Variants in IRS1 observed in about 807,000 individuals in gnomAD.
IRS1 encodes insulin receptor substrate 1.
In IRS1, 34 loss-of-function variants were observed where a neutral mutation model predicts 65.6. That is an observed-to-expected ratio of 0.52 (90% CI 0.39 to 0.69). The LOEUF (loss-of-function observed/expected upper bound fraction) is 0.69. IRS1 is among the 30% of genes least tolerant of loss of function. IRS1 has a pLI of 0.00. For missense variants in IRS1, 1,641 were observed against 1,720.2 expected, an observed-to-expected ratio of 0.95 and a Z score of 0.81; for synonymous variants, 699 against 683.5, an observed-to-expected ratio of 1.02 and a Z score of -0.35.
chr2:226,741,387 G>A (rs1181416183), intron 1 of IRS1, among the ~76,000 whole-genome samples: 1 of 152,096 alleles, frequency 6.6e-6, no homozygotes, highest in East Asian at 1.9e-4. Flanking sequence ...TGGCTCCCTG[G>A]CTTTAGTTTC....
chr2:226,784,856 A>G (rs1219291931), intron 1 of IRS1, among the ~76,000 whole-genome samples: 8 of 152,236 alleles, frequency 5.3e-5, no homozygotes, highest in Non-Finnish European at 1.5e-5. Flanking sequence ...AATGTTTTTG[A>G]CCACTAGAGA....
chr2:226,794,867 G>T lies in IRS1; in HGVS notation c.*21+122C>A. The T allele has an allele frequency of 2.3e-6, 2 of 874,412 alleles. No individual in the cohort carries two copies. Among genetic ancestry groups the T allele is most frequent in the South Asian group, 1.4e-5 (1 of 72,738 alleles). The allele number at this position is 874,412 out of a possible 1,614,324, so 54.2% of individuals were successfully genotyped here. A position where few individuals can be genotyped will look rare whatever the true frequency, so the allele number is the denominator to read the frequency against. ...TGAGCATCTTGTGTGCCCTGAGAAT[G>T]TAAGTGCATTCTCCCTGAGGAAGCA... On this transcript the variant is annotated intron_variant, in intron 1 of 1. Transcript: ENST00000305123. The surrounding 1 kb of genome is among the most constrained non-coding windows in gnomAD (Gnocchi z 4.1).
At chr2:226,768,967 G>A (rs1333386745) in intron 1 of IRS1, among the ~76,000 whole-genome samples, 4 of 152,122 alleles carry the variant, frequency 2.6e-5, no homozygotes, top group Non-Finnish European at 5.9e-5. Context: ...AGCTCACTGA[G>A]GCAAGACAGA....
intron 1 of IRS1, among the ~76,000 whole-genome samples, chr2:226,783,670 C>A (rs934741682): frequency 2.4e-4 from 37 of 152,172 alleles, no homozygotes; most frequent in Admixed American, 2.0e-4. Context: ...GTTCAACATG[C>A]AGTTGATAAA....
intron 1 of IRS1, among the ~76,000 whole-genome samples, chr2:226,755,935 G>A (rs1938788286): frequency 6.6e-6 from 1 of 152,210 alleles, no homozygotes; most frequent in South Asian, 2.1e-4. Flanking sequence ...TGAGCCACAT[G>A]TTTAAAATTC....
chr2:226,781,955 T>G (rs894777504), intron 1 of IRS1, among the ~76,000 whole-genome samples: 6 of 151,444 alleles, frequency 4.0e-5, no homozygotes, highest in Non-Finnish European at 5.9e-5. Flanking sequence ...ACTTCCAGGG[T>G]ACTCTACAAA....
intron 1 of IRS1, among the ~76,000 whole-genome samples, chr2:226,739,929 G>A (rs142616062): frequency 5.3e-4 from 80 of 152,332 alleles, no homozygotes; most frequent in African/African-American, 1.7e-3. Flanking sequence ...GAATAAGCAG[G>A]GGAAAAGCCC....
chr2:226,755,986 GC>G (rs1416549301), intron 1 of IRS1, among the ~76,000 whole-genome samples: 1 of 152,182 alleles, frequency 6.6e-6, no homozygotes, highest in African/African-American at 2.4e-5. Flanking sequence ...TTGGCAGAAA[GC>G]TTTCAAAACA....
intron 1 of IRS1, among the ~76,000 whole-genome samples, chr2:226,771,917 C>G (rs906601936): frequency 4.6e-5 from 7 of 152,184 alleles, no homozygotes; most frequent in Admixed American, 2.6e-4. Flanking sequence ...CTGATTTATA[C>G]TTACAGCTTG....
intron 1 of IRS1, among the ~76,000 whole-genome samples, chr2:226,736,780 T>A (rs777966878): frequency 1.3e-5 from 2 of 152,156 alleles, no homozygotes; most frequent in Non-Finnish European, 2.9e-5. Context: ...AAAACGGACC[T>A]ACTGAATCAT....
chr2:226,795,377 G>T lies in IRS1; in HGVS notation c.3362C>A (p.Ala1121Glu). 1 of 1,612,910 alleles carries T rather than the reference G, an allele frequency of 6.2e-7. No individual in the cohort carries two copies. Among genetic ancestry groups the T allele is most frequent in the Non-Finnish European group, 8.5e-7 (1 of 1,179,944 alleles). Residue 1121 changes from alanine to glutamate, a missense_variant, in exon 1 of 2, where the codon GCG becomes GAG. Ala to Glu is a moderately radical substitution (Grantham distance 107). Transcript: ENST00000305123. ...TRVGNTVPFG[A>E]GAAVGGGGGS... is the part of the protein sequence containing the mutation. ...GCCACCGCCCCCTACTGCTGCCCCC[G>T]CTCCAAAGGGCACTGTGTTGCCCAC...
intron 1 of IRS1, among the ~76,000 whole-genome samples, chr2:226,751,509 T>G (rs906153009): frequency 6.6e-5 from 10 of 152,034 alleles, no homozygotes; most frequent in African/African-American, 2.4e-4. Flanking sequence ...GGTCTCGATC[T>G]CCTAACCTCG....
At chr2:226,788,753 T>C (rs116245564) in intron 1 of IRS1, among the ~76,000 whole-genome samples, 2 of 152,346 alleles carry the variant, frequency 1.3e-5, no homozygotes, top group Admixed American at 6.5e-5. Context: ...GAAATTAGTA[T>C]GCAATTATTA....
At chr2:226,754,370 T>C (rs1206860724) in intron 1 of IRS1, among the ~76,000 whole-genome samples, 1 of 152,180 alleles carries the variant, frequency 6.6e-6, no homozygotes, top group Non-Finnish European at 1.5e-5. Context: ...TACACAGTAA[T>C]TTAGAATCTC....
At position 226,781,771 on chromosome 2, in the gene IRS1, G is replaced by C. The variant is rs551118613; in HGVS notation, c.*21+13218C>G. On this transcript the variant is annotated intron_variant, in intron 1 of 1. Transcript: ENST00000305123. ...GACTTGTGAGGGACTAAAGGCTCAG[G>C]CTGCAAAATATTTTTAAAGACCAAG... is the stretch of plus-strand genomic sequence containing the variant. 2.0e-5 allele frequency among the ~76,000 whole-genome samples: 3 copies of C among 151,762 alleles called. No homozygotes were observed. The East Asian group carries it at 5.8e-4, about 29-fold the overall frequency.
At position 226,798,516 on chromosome 2, in the gene IRS1, G is replaced by T; in HGVS notation, c.223C>A (p.Arg75=). The change falls in exon 1 of 2, where the codon CGG becomes AGG. Residue 75 remains arginine, a synonymous_variant. Coordinates refer to ENST00000305123, the MANE Select transcript of IRS1 (RefSeq NM_005544.3). The surrounding 1 kb of genome is among the most constrained non-coding windows in gnomAD (Gnocchi z 9.4). ...PLESCFNINK[R]ADSKNKHLVA... ...AGGTGCTTGTTCTTGGAGTCAGCCC[G>T]CTTGTTGATGTTGAAGCAGCTCTCA... 6.2e-7 allele frequency: 1 copy of T among 1,614,100 alleles called. No individual in the cohort carries two copies. The highest frequency in any genetic ancestry group is 1.1e-5 in the South Asian group (1 of 91,088).
chr2:226,773,832 AGTAG>A (rs1939209681), intron 1 of IRS1, among the ~76,000 whole-genome samples: 3 of 152,174 alleles, frequency 2.0e-5, no homozygotes, highest in Non-Finnish European at 4.4e-5. Flanking sequence ...ACTCCAGGAG[AGTAG>A]TCTTAAGGCT....
chr2:226,781,521 G>C (rs1939381628), intron 1 of IRS1, among the ~76,000 whole-genome samples: 2 of 152,150 alleles, frequency 1.3e-5, no homozygotes, highest in African/African-American at 4.8e-5. Flanking sequence ...ATGGGTTTTT[G>C]TTGTGTACTT....
chr2:226,746,642 G>T (rs1938551169), intron 1 of IRS1, among the ~76,000 whole-genome samples: 1 of 151,928 alleles, frequency 6.6e-6, no homozygotes, highest in Non-Finnish European at 1.5e-5. Context: ...TGACCCCAAA[G>T]CTCCTGTTCT....
Sources: gnomAD v4.1 joint callset for allele counts (sites outside exome capture counted in the v4.1 genomes callset) on GRCh38, gnomAD v4.1.1 for gene constraint, Gnocchi (gnomAD v3.1) non-coding constraint, MANE v1.5 for transcripts, NCBI Gene and HGNC (gene_info 2026-07-23, HGNC 2026-07-21) for gene names.